The following SMAD3 variants were observed in gnomAD, a reference collection of about 807,000 sequenced individuals.
SMAD3 encodes the protein MAD homolog 3.
A neutral mutation model predicts 51.8 loss-of-function variants in SMAD3; 12 were observed. The observed-to-expected ratio is 0.23, with a 90% CI of 0.15 to 0.38. The LOEUF (loss-of-function observed/expected upper bound fraction) is 0.38. Among genes scored for constraint, SMAD3 ranks in the 10% least tolerant of loss-of-function variants. The probability of loss-of-function intolerance (pLI) is 1.00; values close to 1 mark genes in which losing one functional copy is unlikely to be tolerated. For synonymous variants in SMAD3, 238 were observed against 227.7 expected, an observed-to-expected ratio of 1.05 and a Z score of -0.41; for missense variants, 294 against 565.6, an observed-to-expected ratio of 0.52 and a Z score of 4.87.
In SMAD3 at chr15:67,066,375, G is replaced by C. The variant is rs1595882218; in HGVS notation, c.206+15G>C. 1.9e-6 allele frequency: 3 copies of C among 1,601,554 alleles called. No homozygotes were observed. Among genetic ancestry groups the C allele is most frequent in the Non-Finnish European group, 2.6e-6 (3 of 1,171,700 alleles). On this transcript the variant is annotated intron_variant, in intron 1 of 8. Coordinates refer to ENST00000327367, the MANE Select transcript of SMAD3 (RefSeq NM_005902.4). ...ACCATCCCCAGGTGGGGGCCCGCCC[G>C]GGGGGGACCCGGGGTCACGCCGGCC...
intron 1 of SMAD3, among the ~76,000 whole-genome samples, chr15:67,085,863 A>AGT (rs879316597): frequency 8.4e-6 from 1 of 118,700 alleles, no homozygotes; most frequent in Non-Finnish European, 1.8e-5. Flanking sequence ...TCAAAAAAAA[A>AGT]GCGTGCACAC....
At chr15:67,141,948 T>C (rs1029886441) in intron 1 of SMAD3, among the ~76,000 whole-genome samples, 2 of 152,022 alleles carry the variant, frequency 1.3e-5, no homozygotes, top group Admixed American at 1.3e-4. Context: ...CTGTGAGGTG[T>C]CATTCATGTT....
intron 6 of SMAD3, 65 bp downstream of exon 6, chr15:67,181,518 C>A: frequency 1.5e-6 from 2 of 1,352,332 alleles, no homozygotes; most frequent in Non-Finnish European, 1.0e-6. Context: ...ACCCCCAGCC[C>A]CAGGCCTGAA....
At chr15:67,164,729 TC>T (rs1330038902) in intron 1 of SMAD3, among the ~76,000 whole-genome samples, 165 bp from the exon 2 acceptor site, 1 of 152,126 alleles carries the variant, frequency 6.6e-6, no homozygotes, top group African/African-American at 2.4e-5. Context: ...CTGAGATCCC[TC>T]CCAGCACTCT....
intron 8 of SMAD3, among the ~76,000 whole-genome samples, chr15:67,188,270 T>G (rs1479800958): frequency 6.6e-6 from 1 of 151,230 alleles, no homozygotes; most frequent in Non-Finnish European, 1.5e-5. Context: ...CCCAAGTAGC[T>G]GGGACTACAG....
chr15:67,190,715 A>G lies in SMAD3; in HGVS notation c.*179A>G. 1 of 660,482 alleles carries G rather than the reference A, an allele frequency of 1.5e-6. No individual in the cohort carries two copies. The highest frequency in any genetic ancestry group is 1.8e-5 in the South Asian group (1 of 55,800). The allele number at this position is 660,482 out of a possible 1,614,324, so 40.9% of individuals were successfully genotyped here. A position where few individuals can be genotyped will look rare whatever the true frequency, so the allele number is the denominator to read the frequency against. Reference sequence around the variant, plus strand: ...ACGAGCAAACCCAGAGGTGGATGTTATGAACAGCTGTGTCTGCCAAACACA... The same window carrying G: ...ACGAGCAAACCCAGAGGTGGATGTTGTGAACAGCTGTGTCTGCCAAACACA... On this transcript the variant is annotated 3_prime_UTR_variant, in exon 9 of 9. Transcript: ENST00000327367.
At chr15:67,121,797 A>T (rs1425916379) in intron 1 of SMAD3, among the ~76,000 whole-genome samples, 1 of 152,046 alleles carries the variant, frequency 6.6e-6, no homozygotes, top group Non-Finnish European at 1.5e-5. Flanking sequence ...ATCTCTACTG[A>T]TAGGACCTCT....
At chr15:67,091,527 T>A (rs898581783) in intron 1 of SMAD3, among the ~76,000 whole-genome samples, 11 of 152,188 alleles carry the variant, frequency 7.2e-5, no homozygotes, top group African/African-American at 2.7e-4. Context: ...CAAAATAAGG[T>A]GTTTTTAGAA....
chr15:67,081,200 G>A (rs948458470), intron 1 of SMAD3, among the ~76,000 whole-genome samples: 2 of 152,184 alleles, frequency 1.3e-5, no homozygotes, highest in African/African-American at 4.8e-5. Flanking sequence ...GACACGCGGA[G>A]GCATGTGTGG....
chr15:67,182,187 T>A (rs1446601323), intron 6 of SMAD3, among the ~76,000 whole-genome samples: 1 of 152,232 alleles, frequency 6.6e-6, no homozygotes, highest in Non-Finnish European at 1.5e-5. Flanking sequence ...TCATGTATCA[T>A]TATTCTAAAC....
At chr15:67,178,520 A>G (rs1185805320) in intron 5 of SMAD3, among the ~76,000 whole-genome samples, 1 of 152,124 alleles carries the variant, frequency 6.6e-6, no homozygotes, top group Non-Finnish European at 1.5e-5. Flanking sequence ...CTAGTGTACC[A>G]CAGTGATTGT....
chr15:67,168,720 T>C (rs1475563687), intron 4 of SMAD3, among the ~76,000 whole-genome samples: 1 of 152,174 alleles, frequency 6.6e-6, no homozygotes, highest in African/African-American at 2.4e-5. Context: ...TCTCATTAAG[T>C]GTGCCTGCAG....
chr15:67,152,126 TC>T (rs1962163770), intron 1 of SMAD3, among the ~76,000 whole-genome samples: 1 of 152,322 alleles, frequency 6.6e-6, no homozygotes, highest in African/African-American at 2.4e-5. Context: ...AACAAATTTC[TC>T]CCCATCCCTC....
At chr15:67,154,055 C>T (rs1210149577) in intron 1 of SMAD3, among the ~76,000 whole-genome samples, 2 of 152,224 alleles carry the variant, frequency 1.3e-5, no homozygotes, top group Non-Finnish European at 2.9e-5. Flanking sequence ...GCCCAGGAGC[C>T]TTCTGCAACC....
intron 1 of SMAD3, among the ~76,000 whole-genome samples, chr15:67,162,264 G>A (rs981476927): frequency 1.3e-5 from 2 of 152,104 alleles, no homozygotes; most frequent in Admixed American, 6.5e-5. Context: ...GGGTGCCCTC[G>A]GTCATAAGAA....
At chr15:67,171,115 G>C (rs866914297) in intron 5 of SMAD3, among the ~76,000 whole-genome samples, 6 of 152,282 alleles carry the variant, frequency 3.9e-5, no homozygotes, top group Non-Finnish European at 7.4e-5. Flanking sequence ...AACTGTCTAT[G>C]TGTGATTACA....
chr15:67,128,470 A>C (rs1961444358), intron 1 of SMAD3, among the ~76,000 whole-genome samples: 1 of 152,096 alleles, frequency 6.6e-6, no homozygotes, highest in South Asian at 2.1e-4. Context: ...GGTGTGTGTA[A>C]AACCCAGGAA....
chr15:67,163,937 T>C (rs1400411434), intron 1 of SMAD3, among the ~76,000 whole-genome samples: 2 of 68,158 alleles, frequency 2.9e-5, no homozygotes. Context: ...ACACCCTGTA[T>C]CAAAAGTAAA....
intron 4 of SMAD3, among the ~76,000 whole-genome samples, 191 bp from the exon 5 acceptor site, chr15:67,170,363 A>T (rs780110119): frequency 1.3e-5 from 2 of 152,218 alleles, no homozygotes; most frequent in Non-Finnish European, 2.9e-5. Flanking sequence ...TTCATTCCAG[A>T]CAAGAAATTG....
Sources: gnomAD v4.1 joint callset for allele counts (sites outside exome capture counted in the v4.1 genomes callset) on GRCh38, gnomAD v4.1.1 for gene constraint, MANE v1.5 for transcripts, NCBI Gene and HGNC (gene_info 2026-07-23, HGNC 2026-07-21) for gene names.